ADCY3: variants seen among roughly 807,000 people sequenced by gnomAD.
ADCY3 encodes adenylate cyclase type 3.
Under a neutral mutation model 119.4 loss-of-function variants are expected in ADCY3, and 70 were observed. The ratio of observed to expected loss-of-function variants is 0.59; its 90% CI spans 0.48 to 0.72. ADCY3 has a LOEUF of 0.72. ADCY3 is among the 30% of genes least tolerant of loss of function. ADCY3 has a pLI of 0.00. For missense variants in ADCY3, 1,238 were observed against 1,541.6 expected (o/e 0.80, Z 3.30); for synonymous variants, 672 against 621.4 (o/e 1.08, Z -1.21).
chr2:24,821,277 A>G, intron 20 of ADCY3: 1 of 527,208 alleles, frequency 1.9e-6, no homozygotes, highest in Non-Finnish European at 3.2e-6. Flanking sequence ...AGGCAGGCCA[A>G]GCTTCTATTG....
chr2:24,876,723 A>G (rs73923456), intron 2 of ADCY3, among the ~76,000 whole-genome samples: 1 of 152,110 alleles, frequency 6.6e-6, no homozygotes, highest in Non-Finnish European at 1.5e-5. Flanking sequence ...AAATGCATCC[A>G]TCAGGATCGC....
In ADCY3 at chr2:24,898,413, T is replaced by G. The variant is rs188478848; in HGVS notation, c.675+19900A>C. Reference sequence around the variant, plus strand: ...CACTGACTGTGTGGGAATGCACCTATGCAGGGCTGTCCTCGGGGAGAGGGG... The same window carrying G: ...CACTGACTGTGTGGGAATGCACCTAGGCAGGGCTGTCCTCGGGGAGAGGGG... On this transcript the variant is annotated intron_variant, in intron 2 of 21. Coordinates refer to ENST00000679454, the MANE Select transcript of ADCY3 (RefSeq NM_004036.5). This position sits in a 1 kb window ranked among gnomAD's most constrained non-coding sequence, Gnocchi z 4.3. 6.6e-6 allele frequency among the ~76,000 whole-genome samples: 1 copy of G among 152,022 alleles called. No individual in the cohort carries two copies. The highest frequency in any genetic ancestry group is 1.5e-5 in the Non-Finnish European group (1 of 68,002).
intron 3 of ADCY3, among the ~76,000 whole-genome samples, chr2:24,857,911 G>C (rs930024888): frequency 2.6e-5 from 4 of 151,450 alleles, no homozygotes; most frequent in Non-Finnish European, 4.4e-5. Flanking sequence ...TGTTTAATGT[G>C]TGTTGCCCAC....
intron 2 of ADCY3, among the ~76,000 whole-genome samples, chr2:24,883,029 C>T (rs538223790): frequency 6.6e-6 from 1 of 151,848 alleles, no homozygotes; most frequent in African/African-American, 2.4e-5. Context: ...CACTGCACTC[C>T]AGCCTGGATG....
At chr2:24,915,375 T>C (rs1664325954) in intron 2 of ADCY3, among the ~76,000 whole-genome samples, 2 of 152,148 alleles carry the variant, frequency 1.3e-5, no homozygotes, top group Admixed American at 6.5e-5. Context: ...CCCTGGTTCT[T>C]GCATCCTGTC....
rs181088216 is a variant in ADCY3 at position 24,848,084 on chromosome 2, C to T, written c.826-5700G>A. Among the ~76,000 whole-genome samples the T allele has an allele frequency of 2.6e-3, 402 of 152,370 alleles. 1 individual carries two copies. Among genetic ancestry groups the T allele is most frequent in the African/African-American group, 9.4e-3 (390 of 41,588 alleles). The stretch of plus-strand genomic sequence containing the variant: ...GTGTTGGGAACAAGCCCCCCAAAAT[C>T]TGGCCATAAACTGGCCCCAAAACTG... On this transcript the variant is annotated intron_variant, in intron 3 of 21. Coordinates refer to ENST00000679454, the MANE Select transcript of ADCY3 (RefSeq NM_004036.5).
chr2:24,843,381 C>T (rs1489484790), intron 3 of ADCY3, among the ~76,000 whole-genome samples: 1 of 152,198 alleles, frequency 6.6e-6, no homozygotes, highest in Admixed American at 6.5e-5. Flanking sequence ...TACAGGCATG[C>T]ATCACCACAC....
chr2:24,830,517 C>G (rs796507090), intron 13 of ADCY3, among the ~76,000 whole-genome samples, 192 bp downstream of exon 13: 8 of 152,282 alleles, frequency 5.3e-5, no homozygotes, highest in African/African-American at 1.9e-4. Flanking sequence ...AAGTCCATCC[C>G]AGAGGCTCCC....
intron 11 of ADCY3, among the ~76,000 whole-genome samples, chr2:24,832,639 G>A (rs776742024): frequency 5.9e-5 from 9 of 152,190 alleles, no homozygotes; most frequent in South Asian, 2.1e-4. Flanking sequence ...CACTTTTCTC[G>A]CTTGGTTTCT....
At chr2:24,889,665 C>T (rs921021737) in intron 2 of ADCY3, among the ~76,000 whole-genome samples, 2 of 152,156 alleles carry the variant, frequency 1.3e-5, no homozygotes, top group African/African-American at 2.4e-5. Context: ...GGTGAAATCC[C>T]ATCTCTAATA....
At position 24,842,405 on chromosome 2, in the gene ADCY3, T is replaced by A. The variant is rs41281519; in HGVS notation, c.826-21A>T. 2 of 1,613,284 alleles carry A rather than the reference T, an allele frequency of 1.2e-6. No individual in the cohort carries two copies. The highest frequency in any genetic ancestry group is 1.7e-6 in the Non-Finnish European group (2 of 1,179,772). The stretch of plus-strand genomic sequence containing the variant: ...TTCTCCTGTGAGGGGCAGGAGAGGG[T>A]CAGAGGCAAAGGTAGGCCCTGCTAG... On this transcript the variant is annotated intron_variant, in intron 3 of 21. Transcript: ENST00000679454. This position sits in a 1 kb window ranked among gnomAD's most constrained non-coding sequence, Gnocchi z 4.9.
intron 11 of ADCY3, 89 bp from the exon 12 acceptor site, chr2:24,831,838 C>G: frequency 2.3e-6 from 1 of 430,328 alleles, no homozygotes; most frequent in Non-Finnish European, 3.6e-6. Flanking sequence ...GGGATGGGGG[C>G]AGGGGCCAGG....
intron 19 of ADCY3, chr2:24,822,197 T>A (rs1353113307): frequency 4.2e-6 from 1 of 238,062 alleles, no homozygotes; most frequent in African/African-American, 2.2e-5. Context: ...CTGAAGGCCA[T>A]GCTTTCAGTT....
intron 2 of ADCY3, among the ~76,000 whole-genome samples, chr2:24,885,070 T>A (rs974909456): frequency 6.6e-6 from 1 of 152,216 alleles, no homozygotes; most frequent in East Asian, 1.9e-4. Context: ...ACTCTCTTAG[T>A]CACATGACAG....
chr2:24,897,168 C>T (rs906398572), intron 2 of ADCY3, among the ~76,000 whole-genome samples: 4 of 152,088 alleles, frequency 2.6e-5, no homozygotes, highest in African/African-American at 9.7e-5. Context: ...CCTACCATAC[C>T]TGTACCCCAT....
intron 6 of ADCY3, among the ~76,000 whole-genome samples, chr2:24,840,234 G>A (rs1017720105): frequency 3.3e-5 from 5 of 152,230 alleles, no homozygotes; most frequent in African/African-American, 7.2e-5. Context: ...CCAGCAGGAC[G>A]AGGGCACCAA....
intron 16 of ADCY3, among the ~76,000 whole-genome samples, chr2:24,825,335 GGGGGGGGGGGGGGT>G (rs942050121): frequency 5.9e-4 from 6 of 10,182 alleles, no homozygotes; most frequent in South Asian, 6.3e-3. Flanking sequence ...TGGTTGTGGC[GGGGGGGGGGGGGGT>G]GCGGGGGGGG....
At chr2:24,854,499 G>A (rs764243129) in intron 3 of ADCY3, among the ~76,000 whole-genome samples, 2 of 152,212 alleles carry the variant, frequency 1.3e-5, no homozygotes, top group African/African-American at 4.8e-5. Flanking sequence ...TTTCCAGAAG[G>A]AGAACTTCTC....
chr2:24,902,528 T>C (rs1399850180), intron 2 of ADCY3, among the ~76,000 whole-genome samples: 1 of 152,174 alleles, frequency 6.6e-6, no homozygotes, highest in Non-Finnish European at 1.5e-5. Flanking sequence ...GGAGTGTCTG[T>C]TAAGGTACCA....
Sources: gnomAD v4.1 joint callset for allele counts (sites outside exome capture counted in the v4.1 genomes callset) on GRCh38, gnomAD v4.1.1 for gene constraint, Gnocchi (gnomAD v3.1) non-coding constraint, MANE v1.5 for transcripts, NCBI Gene and HGNC (gene_info 2026-07-23, HGNC 2026-07-21) for gene names.